Variants in SPATA33 observed in about 807,000 individuals in gnomAD.
SPATA33 encodes spermatogenesis associated 33.
A neutral mutation model predicts 8.9 loss-of-function variants in SPATA33; 10 were observed. That is an observed-to-expected ratio of 1.12 (90% CI 0.69 to 1.90). The LOEUF (loss-of-function observed/expected upper bound fraction) is 1.90, where lower values mean the gene tolerates loss of function less well. Among genes scored for constraint, SPATA33 ranks in the 40% most tolerant of loss-of-function variants. The pLI, the probability that SPATA33 is intolerant of heterozygous loss-of-function variation, is 0.00. For missense variants in SPATA33, 241 were observed against 178.3 expected (o/e 1.35, Z -2.00); for synonymous variants, 96 against 72.8 (o/e 1.32, Z -1.63).
intron 2 of SPATA33, among the ~76,000 whole-genome samples, chr16:89,667,736 C>G (rs1450228186): frequency 1.3e-5 from 2 of 152,232 alleles, no homozygotes; most frequent in African/African-American, 4.8e-5. Context: ...ACAGATGAGG[C>G]TATGTAACGC....
chr16:89,665,878 A>C (rs1280913366), intron 2 of SPATA33, among the ~76,000 whole-genome samples: 1 of 152,010 alleles, frequency 6.6e-6, no homozygotes, highest in African/African-American at 2.4e-5. Flanking sequence ...TCAGGAGTTC[A>C]AGACCAGCCT....
chr16:89,665,779 C>T (rs896149172), intron 2 of SPATA33, among the ~76,000 whole-genome samples: 21 of 151,950 alleles, frequency 1.4e-4, no homozygotes, highest in Non-Finnish European at 2.9e-4. Flanking sequence ...TTCAAAGGTT[C>T]ATCTAAAGAA....
chr16:89,662,496 T>A (rs1404597361), intron 2 of SPATA33, among the ~76,000 whole-genome samples: 1 of 150,586 alleles, frequency 6.6e-6, no homozygotes, highest in Non-Finnish European at 1.5e-5. Flanking sequence ...GGGTCTCAAC[T>A]CACTGTAGCC....
At chr16:89,658,054 G>A (rs1257729217) in intron 1 of SPATA33, 106 bp downstream of exon 1, 2 of 1,459,808 alleles carry the variant, frequency 1.4e-6, no homozygotes, top group Non-Finnish European at 1.8e-6. Flanking sequence ...GCCAGGCTCG[G>A]CCCGGTGCGA....
chr16:89,668,783 C>T (rs2060059928), intron 2 of SPATA33, among the ~76,000 whole-genome samples: 2 of 152,260 alleles, frequency 1.3e-5, no homozygotes, highest in East Asian at 3.8e-4. Context: ...CAACGCTCGG[C>T]AGGCTCAGCA....
intron 2 of SPATA33, among the ~76,000 whole-genome samples, chr16:89,663,349 A>C (rs1014194263): frequency 6.6e-6 from 1 of 150,572 alleles, no homozygotes; most frequent in Non-Finnish European, 1.5e-5. Flanking sequence ...AGTAGCTGGG[A>C]CTACAGGCAT....
intron 2 of SPATA33, among the ~76,000 whole-genome samples, chr16:89,666,311 C>T (rs1249969007): frequency 6.6e-6 from 1 of 152,080 alleles, no homozygotes; most frequent in South Asian, 2.1e-4. Flanking sequence ...ATGATCACAT[C>T]CACGAATAGC....
intron 2 of SPATA33, among the ~76,000 whole-genome samples, chr16:89,666,887 CT>C (rs1268988906): frequency 1.3e-5 from 2 of 152,198 alleles, no homozygotes; most frequent in African/African-American, 4.8e-5. Context: ...ACTTTTAGTA[CT>C]TTCACTAATT....
In SPATA33 at chr16:89,658,278, C is replaced by G. The variant is rs371422726; in HGVS notation, c.68C>G (p.Ser23Ter). The G allele has an allele frequency of 4.3e-6, 7 of 1,614,184 alleles. No individual in the cohort carries two copies. The Admixed American group carries it at 8.3e-5, about 19-fold the overall frequency. Residue 23 changes from serine (S) to a stop codon, truncating the protein, a stop_gained, in exon 2 of 3, where the codon TCA (serine) becomes TGA (stop). Coordinates refer to ENST00000579310, the MANE Select transcript of SPATA33 (RefSeq NM_001271907.2). LOFTEE classifies it high-confidence loss of function. ...GAGCAAAAGAAGGGATCCACCTATTCAGTTCCAAAATCTAAGGAGAAGTTG... is the reference window on the plus strand; with the variant it reads ...GAGCAAAAGAAGGGATCCACCTATTGAGTTCCAAAATCTAAGGAGAAGTTG... ...GEEQKKGSTY[S>*]VPKSKEKLME...
rs1163864915 is a variant in SPATA33, at chr16:89,660,772, A to T, written c.211+2351A>T. On this transcript the variant is annotated intron_variant, in intron 2 of 2. Coordinates refer to ENST00000579310, the MANE Select transcript of SPATA33 (RefSeq NM_001271907.2). ...GAGCACAAGAGGACTTTGGAGGGTG[A>T]TGGAAATGGTTTTCGACCTGAATCT... 4 of 927,778 alleles carry T rather than the reference A, an allele frequency of 4.3e-6. No homozygotes were observed. The East Asian group carries it at 1.3e-4, about 31-fold the overall frequency. The allele number at this position is 927,778 out of a possible 1,614,324, so 57.5% of individuals were successfully genotyped here. A position where few individuals can be genotyped will look rare whatever the true frequency, so the allele number is the denominator to read the frequency against.
Position 89,669,347 on chromosome 16 carries a change from CACGCGAGCGTCGAATGAG to C in SPATA33, c.278_295del (p.Arg93_Thr98del). The C allele has an allele frequency of 6.2e-7, 1 of 1,614,198 alleles. No individual in the cohort carries two copies. Among genetic ancestry groups the C allele is most frequent in the Non-Finnish European group, 8.5e-7 (1 of 1,180,038 alleles). Reference sequence around the variant, plus strand: ...AAGTGGTCGTTCCACAGATCATCATCACGCGAGCGTCGAATGAGACGCTAGTCAGTTGCAGTTCCAGCG... The same window carrying C: ...AAGTGGTCGTTCCACAGATCATCATCACGCTAGTCAGTTGCAGTTCCAGCG... On this transcript the variant is annotated inframe_deletion, in exon 3 of 3. Coordinates refer to ENST00000579310, the MANE Select transcript of SPATA33 (RefSeq NM_001271907.2).
intron 2 of SPATA33, chr16:89,668,068 T>G (rs972423675): frequency 2.0e-5 from 3 of 152,080 alleles, no homozygotes; most frequent in Admixed American, 2.0e-4. Flanking sequence ...TCCCAGCACT[T>G]TGGGAGGCCA....
chr16:89,658,451 G>A (rs1340125450), intron 2 of SPATA33, 30 bp downstream of exon 2: 4 of 1,571,690 alleles, frequency 2.5e-6, no homozygotes, highest in Non-Finnish European at 3.4e-6. Flanking sequence ...AGCGAAGCGA[G>A]GTCAGTGGCT....
chr16:89,663,026 T>TCA (rs1157995490), intron 2 of SPATA33, among the ~76,000 whole-genome samples: 3 of 145,362 alleles, frequency 2.1e-5, no homozygotes, highest in East Asian at 2.1e-4. Flanking sequence ...ACTCCTGACT[T>TCA]TGTGAACCAC....
chr16:89,664,864 T>G (rs1224442469), intron 2 of SPATA33, among the ~76,000 whole-genome samples: 1 of 152,238 alleles, frequency 6.6e-6, no homozygotes, highest in Non-Finnish European at 1.5e-5. Context: ...CCAGCCACGC[T>G]GCACCTGCAC....
At chr16:89,662,722 T>G (rs1487718739) in intron 2 of SPATA33, among the ~76,000 whole-genome samples, 1 of 150,138 alleles carries the variant, frequency 6.7e-6, no homozygotes, top group African/African-American at 2.5e-5. Flanking sequence ...CCACCGCACC[T>G]GGCCTCCCAG....
At chr16:89,658,020 G>A (rs754416340) in intron 1 of SPATA33, 72 bp downstream of exon 1, 1 of 1,480,724 alleles carries the variant, frequency 6.8e-7, no homozygotes, top group South Asian at 1.3e-5. Flanking sequence ...GGGCTGGGCT[G>A]GGCGGGGCGG....
At chr16:89,662,212 G>T (rs258331) in intron 2 of SPATA33, among the ~76,000 whole-genome samples, 127,792 of 151,334 alleles carry the variant, frequency 0.84, 54,337 homozygotes, top group Non-Finnish European at 0.9. Flanking sequence ...GAGAATAGCT[G>T]GAACCCAGGA....
rs942901140 is a variant in SPATA33, at chr16:89,664,593, A to G, written c.212-4693A>G. ...GACCTGATCAGGGAAGCCAGACAGTAAAAGTGTCAGAGGCTCTTTAGGGCC... is the reference window on the plus strand; with the variant it reads ...GACCTGATCAGGGAAGCCAGACAGTGAAAGTGTCAGAGGCTCTTTAGGGCC... On this transcript the variant is annotated intron_variant, in intron 2 of 2. Coordinates refer to ENST00000579310, the MANE Select transcript of SPATA33 (RefSeq NM_001271907.2). 1.1e-4 allele frequency among the ~76,000 whole-genome samples: 17 copies of G among 149,444 alleles called. 1 individual carries two copies. The highest frequency in any genetic ancestry group is 1.1e-3 in the Admixed American group (17 of 15,092).
Sources: allele counts gnomAD v4.1 joint callset (sites outside exome capture counted in the v4.1 genomes callset), GRCh38; gene constraint gnomAD v4.1.1; transcripts MANE v1.5; gene names NCBI Gene and HGNC (gene_info 2026-07-23, HGNC 2026-07-21).